The following UNC13B variants were observed in gnomAD, a reference collection of about 807,000 sequenced individuals.
UNC13B encodes unc-13 homolog B, also known as protein unc-13 homolog B.
A neutral mutation model predicts 211.0 loss-of-function variants in UNC13B; 144 were observed. That is an observed-to-expected ratio of 0.68 (90% CI 0.60 to 0.78). UNC13B has a LOEUF of 0.78. Among genes scored for constraint, UNC13B ranks in the 30% least tolerant of loss-of-function variants. The pLI is 0.00. For synonymous variants in UNC13B, 709 were observed against 725.8 expected, an observed-to-expected ratio of 0.98 and a Z score of 0.37; for missense variants, 1,777 against 2,002.0, an observed-to-expected ratio of 0.89 and a Z score of 2.14.
At chr9:35,221,706 A>G (rs1824574263) in intron 1 of UNC13B, among the ~76,000 whole-genome samples, 1 of 152,190 alleles carries the variant, frequency 6.6e-6, no homozygotes, top group African/African-American at 2.4e-5. Flanking sequence ...CATTTTGCAT[A>G]CAATTTAAGA....
At chr9:35,193,445 G>A (rs1031913623) in intron 1 of UNC13B, among the ~76,000 whole-genome samples, 5 of 151,856 alleles carry the variant, frequency 3.3e-5, no homozygotes, top group African/African-American at 9.7e-5. Flanking sequence ...TCAGGAGTTC[G>A]AGACCAGCCT....
chr9:35,221,893 T>C (rs569572289), intron 1 of UNC13B, among the ~76,000 whole-genome samples: 1 of 152,368 alleles, frequency 6.6e-6, no homozygotes, highest in East Asian at 1.9e-4. Context: ...AATTTTTCAG[T>C]ACCATTGTTA....
chr9:35,357,167 CAA>C (rs1276292217), intron 11 of UNC13B, among the ~76,000 whole-genome samples: 1 of 152,144 alleles, frequency 6.6e-6, no homozygotes, highest in Non-Finnish European at 1.5e-5. Context: ...GACTGTTTTC[CAA>C]AGTCATTGCA....
In UNC13B at chr9:35,305,896, T is replaced by C; in HGVS notation, c.6492T>C (p.Phe2164=). 1 of 399,034 alleles carries C rather than the reference T, an allele frequency of 2.5e-6. No homozygotes were observed. The highest frequency in any genetic ancestry group is 3.6e-5 in the East Asian group (1 of 28,078). 24.7% of individuals were successfully genotyped at this position (399,034 alleles called of 1,614,324 possible). Residue 2164 remains phenylalanine, a synonymous_variant, in exon 9 of 40, where the codon TTT becomes TTC. Coordinates refer to ENST00000635942, the MANE Select transcript of UNC13B (RefSeq NM_001371189.2). ...CAACCAAAAAGAGTATATTTTCTTT[T>C]CTCACTGGATCTGAAAAATCTGAGA... ...ELSTKKSIFS[F]LTGSEKSENR...
intron 11 of UNC13B, among the ~76,000 whole-genome samples, chr9:35,321,355 G>T (rs1172651266): frequency 2.6e-5 from 4 of 152,050 alleles, no homozygotes; most frequent in Non-Finnish European, 5.9e-5. Flanking sequence ...CAAGTAGCTG[G>T]GACTACAGGC....
At chr9:35,383,002 C>T (rs1490837064) in intron 21 of UNC13B, among the ~76,000 whole-genome samples, 1 of 152,204 alleles carries the variant, frequency 6.6e-6, no homozygotes, top group African/African-American at 2.4e-5. Flanking sequence ...TCCTCACACA[C>T]AGATAAAGAA....
intron 7 of UNC13B, among the ~76,000 whole-genome samples, chr9:35,263,860 G>C (rs1169867062): frequency 1.3e-5 from 2 of 152,134 alleles, no homozygotes; most frequent in Non-Finnish European, 2.9e-5. Context: ...TGTAAGCCAG[G>C]AAGAAAGCCC....
intron 1 of UNC13B, among the ~76,000 whole-genome samples, chr9:35,178,777 A>G (rs1821776483): frequency 6.7e-6 from 1 of 148,460 alleles, no homozygotes; most frequent in South Asian, 2.1e-4. Flanking sequence ...ATTCCCAACT[A>G]CTCTGGAGGC....
At chr9:35,272,911 A>G (rs368534473) in intron 7 of UNC13B, among the ~76,000 whole-genome samples, 2 of 152,260 alleles carry the variant, frequency 1.3e-5, no homozygotes, top group East Asian at 1.9e-4. Context: ...TGTTATTTCT[A>G]TATGTATTAT....
At chr9:35,263,800 A>G (rs976264711) in intron 7 of UNC13B, among the ~76,000 whole-genome samples, 1 of 152,190 alleles carries the variant, frequency 6.6e-6, no homozygotes, top group Admixed American at 6.5e-5. Context: ...AAGAAGAGAT[A>G]GCAGAGCTCC....
At chr9:35,330,925 G>T (rs1831332620) in intron 11 of UNC13B, among the ~76,000 whole-genome samples, 2 of 152,290 alleles carry the variant, frequency 1.3e-5, no homozygotes, top group South Asian at 2.1e-4. Flanking sequence ...TAGAGAAAAG[G>T]GTATCAGATA....
At chr9:35,202,637 T>C (rs1437085819) in intron 1 of UNC13B, among the ~76,000 whole-genome samples, 1 of 152,170 alleles carries the variant, frequency 6.6e-6, no homozygotes, top group Non-Finnish European at 1.5e-5. Context: ...CTTTGTTGGT[T>C]TAAAGTCTGT....
chr9:35,207,764 T>A (rs530116039), intron 1 of UNC13B, among the ~76,000 whole-genome samples: 2 of 152,322 alleles, frequency 1.3e-5, no homozygotes, highest in East Asian at 3.9e-4. Context: ...ACAAAACTCT[T>A]ATTAGATATA....
chr9:35,180,819 AG>A (rs1821896717), intron 1 of UNC13B, among the ~76,000 whole-genome samples: 1 of 152,108 alleles, frequency 6.6e-6, no homozygotes, highest in Admixed American at 6.6e-5. Flanking sequence ...AGTTTTGGCC[AG>A]GCAGAGTGGT....
intron 11 of UNC13B, among the ~76,000 whole-genome samples, chr9:35,320,521 T>G (rs1830688579): frequency 6.6e-6 from 1 of 152,238 alleles, no homozygotes; most frequent in Non-Finnish European, 1.5e-5. Context: ...CCTGTTTAGG[T>G]GAAATGCTTC....
intron 1 of UNC13B, among the ~76,000 whole-genome samples, chr9:35,207,215 T>C (rs947481302): frequency 1.3e-5 from 2 of 152,170 alleles, no homozygotes; most frequent in Non-Finnish European, 2.9e-5. Context: ...CCCTAATGAC[T>C]AGTGGTTGTT....
chr9:35,196,682 A>G (rs1372575208), intron 1 of UNC13B, among the ~76,000 whole-genome samples: 1 of 152,214 alleles, frequency 6.6e-6, no homozygotes, highest in Non-Finnish European at 1.5e-5. Flanking sequence ...TACATATTGT[A>G]GTAGTAATAT....
chr9:35,278,685 G>A (rs1828312526), intron 7 of UNC13B, among the ~76,000 whole-genome samples: 1 of 151,720 alleles, frequency 6.6e-6, no homozygotes, highest in South Asian at 2.1e-4. Flanking sequence ...TCCATAGGTA[G>A]CTGATTCTTG....
Position 35,172,429 on chromosome 9 carries a change from G to A in UNC13B, c.22+10124G>A, listed in dbSNP as rs145936963. Among the ~76,000 whole-genome samples the A allele has an allele frequency of 1.3e-4, 20 of 151,934 alleles. 1 individual carries two copies. Among genetic ancestry groups the A allele is most frequent in the East Asian group, 7.7e-4 (4 of 5,186 alleles). ...TAGATCTTATTCCATTTATCCAACT[G>A]TATTTTTGTACTCTTTAATCAACCT... On this transcript the variant is annotated intron_variant, in intron 1 of 39. Coordinates refer to ENST00000635942, the MANE Select transcript of UNC13B (RefSeq NM_001371189.2).
Sources: allele counts gnomAD v4.1 joint callset (sites outside exome capture counted in the v4.1 genomes callset), GRCh38; gene constraint gnomAD v4.1.1; transcripts MANE v1.5; gene names NCBI Gene and HGNC (gene_info 2026-07-23, HGNC 2026-07-21).